AFF3: variants seen among roughly 807,000 people sequenced by gnomAD.
The protein encoded by AFF3 is AF4/FMR2 family member 3.
A neutral mutation model predicts 129.7 loss-of-function variants in AFF3; 32 were observed. The observed-to-expected ratio is 0.25, with a 90% confidence interval of 0.19 to 0.33. The LOEUF (loss-of-function observed/expected upper bound fraction) is 0.33, where lower values mean the gene tolerates loss of function less well. Among genes scored for constraint, AFF3 ranks in the 10% least tolerant of loss-of-function variants. The pLI is 1.00. For missense variants in AFF3, 1,373 were observed against 1,592.0 expected (o/e 0.86, Z 2.34); for synonymous variants, 644 against 635.4 (o/e 1.01, Z -0.20).
intron 4 of AFF3, among the ~76,000 whole-genome samples, chr2:100,009,294 G>C (rs1682282820): frequency 6.6e-6 from 1 of 151,922 alleles, no homozygotes; most frequent in Admixed American, 6.6e-5. Flanking sequence ...CTATGACAGA[G>C]CTTCTGAGTG....
intron 10 of AFF3, among the ~76,000 whole-genome samples, chr2:99,733,131 G>C (rs1345280337): frequency 1.3e-5 from 2 of 151,922 alleles, no homozygotes; most frequent in African/African-American, 4.8e-5. Flanking sequence ...TGTAATCCTA[G>C]CACTTTGGGA....
intron 7 of AFF3, among the ~76,000 whole-genome samples, chr2:99,911,387 C>A (rs1195656943): frequency 2.7e-5 from 4 of 147,560 alleles, no homozygotes; most frequent in Non-Finnish European, 4.5e-5. Flanking sequence ...GACTTCATCT[C>A]TGGAAAAAAA....
At chr2:99,878,268 G>C (rs898463247) in intron 7 of AFF3, among the ~76,000 whole-genome samples, 3 of 152,064 alleles carry the variant, frequency 2.0e-5, no homozygotes, top group African/African-American at 7.2e-5. Flanking sequence ...GAATTCTTTT[G>C]GTTGAATGTT....
chr2:100,137,356 A>G (rs1349705891), intron 1 of AFF3, among the ~76,000 whole-genome samples: 3 of 152,256 alleles, frequency 2.0e-5, no homozygotes, highest in Non-Finnish European at 1.5e-5. Flanking sequence ...CCCATGAGTC[A>G]GACCATATGT....
rs754186100 is a variant in AFF3, at chr2:100,105,844, C to G, written c.-144-261G>C. Reference sequence around the variant, plus strand: ...AGAATTCCTAGAGAGCAGCTCAGAGCCCTGCAGTTGTGCCTCACCACGCGA... The same window carrying G: ...AGAATTCCTAGAGAGCAGCTCAGAGGCCTGCAGTTGTGCCTCACCACGCGA... On this transcript the variant is annotated intron_variant, in intron 2 of 24. Coordinates refer to ENST00000672756, the MANE Select transcript of AFF3 (RefSeq NM_001386135.1). 14 of 1,340,248 alleles carry G rather than the reference C, an allele frequency of 1.0e-5. 1 individual carries two copies. The Middle Eastern group carries it at 6.1e-4, about 58-fold the overall frequency. 83.0% of individuals were successfully genotyped at this position (1,340,248 alleles called of 1,614,324 possible).
intron 4 of AFF3, among the ~76,000 whole-genome samples, chr2:100,083,255 T>G (rs1689159991): frequency 6.6e-6 from 1 of 152,270 alleles, no homozygotes; most frequent in East Asian, 1.9e-4. Flanking sequence ...GAAGTCTAGG[T>G]CAATCAGCCG....
chr2:99,698,589 A>G (rs1436869195), intron 11 of AFF3, among the ~76,000 whole-genome samples: 1 of 152,258 alleles, frequency 6.6e-6, no homozygotes, highest in East Asian at 1.9e-4. Context: ...AATAATTGCT[A>G]TCCATTTAAG....
At chr2:99,606,200 G>T (rs971719806) in intron 13 of AFF3, among the ~76,000 whole-genome samples, 3 of 152,150 alleles carry the variant, frequency 2.0e-5, no homozygotes, top group Non-Finnish European at 2.9e-5. Context: ...GGGAGGTCAA[G>T]GCTGCAGTAA....
chr2:99,587,589 A>C (rs1489092178), intron 15 of AFF3, among the ~76,000 whole-genome samples: 2 of 152,230 alleles, frequency 1.3e-5, no homozygotes, highest in African/African-American at 4.8e-5. Context: ...AACTGGTCTG[A>C]GTTCCCACTG....
At chr2:99,572,747 A>C in intron 18 of AFF3, 1 of 423,948 alleles carries the variant, frequency 2.4e-6, no homozygotes, top group Non-Finnish European at 4.7e-6. Context: ...GAAATTAAGT[A>C]ATTATTTTTA....
chr2:99,554,074 T>C (rs988350194), intron 24 of AFF3, among the ~76,000 whole-genome samples: 2 of 152,146 alleles, frequency 1.3e-5, no homozygotes, highest in African/African-American at 4.8e-5. Context: ...GGGGAATGGT[T>C]TGAGAAATCA....
At chr2:99,782,361 G>C (rs1343330968) in intron 8 of AFF3, among the ~76,000 whole-genome samples, 1 of 152,172 alleles carries the variant, frequency 6.6e-6, no homozygotes, top group Non-Finnish European at 1.5e-5. Context: ...AGAGAGAGTA[G>C]AAGGAACAGA....
chr2:100,071,569 G>T (rs1190767294), intron 4 of AFF3, among the ~76,000 whole-genome samples: 1 of 152,162 alleles, frequency 6.6e-6, no homozygotes, highest in Non-Finnish European at 1.5e-5. Flanking sequence ...CTGGTCTGTA[G>T]AAAGAAACCA....
intron 2 of AFF3, among the ~76,000 whole-genome samples, chr2:100,119,316 ACT>A (rs1286209804): frequency 6.6e-6 from 1 of 152,204 alleles, no homozygotes; most frequent in Non-Finnish European, 1.5e-5. Context: ...ACTTTAAGCC[ACT>A]TGTCCCTGTT....
chr2:99,801,815 G>A (rs1351745452), intron 8 of AFF3, among the ~76,000 whole-genome samples: 1 of 152,156 alleles, frequency 6.6e-6, no homozygotes, highest in Admixed American at 6.5e-5. Flanking sequence ...ATATATAATT[G>A]TTATGTGGGG....
chr2:99,596,744 C>T (rs1679326331), intron 14 of AFF3, among the ~76,000 whole-genome samples: 1 of 152,178 alleles, frequency 6.6e-6, no homozygotes, highest in Non-Finnish European at 1.5e-5. Flanking sequence ...ACTGAAACTT[C>T]CTAGCAGGAG....
intron 18 of AFF3, among the ~76,000 whole-genome samples, chr2:99,577,548 C>T (rs971587318): frequency 6.6e-6 from 1 of 152,238 alleles, no homozygotes; most frequent in South Asian, 2.1e-4. Context: ...TCTGCTGCTG[C>T]TCCACCCCAG....
At chr2:99,894,310 T>TA (rs1693775940) in intron 7 of AFF3, among the ~76,000 whole-genome samples, 2 of 150,708 alleles carry the variant, frequency 1.3e-5, no homozygotes, top group African/African-American at 4.9e-5. Context: ...TAATACTAAA[T>TA]ATGGTTGTGG....
intron 4 of AFF3, among the ~76,000 whole-genome samples, chr2:100,034,028 T>C (rs986576139): frequency 2.6e-5 from 4 of 152,216 alleles, no homozygotes; most frequent in Non-Finnish European, 5.9e-5. Flanking sequence ...ACCGAAGCAG[T>C]AACTTGTTAT....
Sources: gnomAD v4.1 joint callset for allele counts (sites outside exome capture counted in the v4.1 genomes callset) on GRCh38, gnomAD v4.1.1 for gene constraint, MANE v1.5 for transcripts, NCBI Gene and HGNC (gene_info 2026-07-23, HGNC 2026-07-21) for gene names.